Variants in MYO1E observed in about 807,000 individuals in gnomAD.
MYO1E encodes unconventional myosin-Ie.
In MYO1E, 68 loss-of-function variants were observed where a neutral mutation model predicts 151.1. The observed-to-expected ratio is 0.45, with a 90% CI of 0.37 to 0.55. MYO1E has a LOEUF of 0.55. Ranked by LOEUF, MYO1E falls within the 20% of genes least tolerant of loss-of-function variation. The pLI, the probability that MYO1E is intolerant of heterozygous loss-of-function variation, is 0.00. For missense variants in MYO1E, 1,363 were observed against 1,389.3 expected, an observed-to-expected ratio of 0.98 and a Z score of 0.30; for synonymous variants, 601 against 501.7, an observed-to-expected ratio of 1.20 and a Z score of -2.64.
chr15:59,265,463 T>G (rs1596391249), intron 2 of MYO1E, among the ~76,000 whole-genome samples: 1 of 152,168 alleles, frequency 6.6e-6, no homozygotes, highest in African/African-American at 2.4e-5. Flanking sequence ...GTAGATTACA[T>G]AAATTCTGAT....
At chr15:59,149,358 G>T (rs572054971) in intron 26 of MYO1E, among the ~76,000 whole-genome samples, 11 of 152,206 alleles carry the variant, frequency 7.2e-5, no homozygotes, top group African/African-American at 2.6e-4. Context: ...GCCCGGCCTG[G>T]ATGAACTGTT....
At chr15:59,247,208 A>C (rs1253690751) in intron 4 of MYO1E, among the ~76,000 whole-genome samples, 2 of 152,176 alleles carry the variant, frequency 1.3e-5, no homozygotes, top group Non-Finnish European at 2.9e-5. Context: ...AAACTAAAAT[A>C]AAAAAGCACC....
At chr15:59,319,427 T>C (rs1172998001) in intron 1 of MYO1E, among the ~76,000 whole-genome samples, 2 of 152,014 alleles carry the variant, frequency 1.3e-5, no homozygotes, top group South Asian at 2.1e-4. Flanking sequence ...AATAATGCAA[T>C]TGCCCTGACA....
intron 1 of MYO1E, among the ~76,000 whole-genome samples, chr15:59,300,058 G>C (rs1440585573): frequency 2.0e-5 from 3 of 152,114 alleles, no homozygotes; most frequent in Non-Finnish European, 4.4e-5. Flanking sequence ...TGTCACCACT[G>C]AGAAGCTAAA....
chr15:59,216,691 TACAC>T (rs199582846), intron 10 of MYO1E, among the ~76,000 whole-genome samples: 11,654 of 56,386 alleles, frequency 0.21, 1,981 homozygotes, highest in East Asian at 0.71. Flanking sequence ...TATATACACA[TACAC>T]ACACACACAC....
intron 18 of MYO1E, 92 bp from the exon 19 acceptor site, chr15:59,178,629 G>C: frequency 6.7e-7 from 1 of 1,490,440 alleles, no homozygotes; most frequent in Middle Eastern, 1.9e-4. Context: ...TGCTCTGAAG[G>C]TGCCCAGTGC....
intron 17 of MYO1E, among the ~76,000 whole-genome samples, chr15:59,193,703 A>G (rs1466528599): frequency 6.6e-6 from 1 of 152,216 alleles, no homozygotes; most frequent in African/African-American, 2.4e-5. Flanking sequence ...ACCTGGGATT[A>G]GGATAAAAGT....
chr15:59,215,383 G>C (rs1459309098), intron 10 of MYO1E, among the ~76,000 whole-genome samples: 1 of 152,134 alleles, frequency 6.6e-6, no homozygotes, highest in East Asian at 1.9e-4. Flanking sequence ...TTTTCCACAT[G>C]GATACACCAA....
chr15:59,215,077 A>C (rs1469966545), intron 10 of MYO1E, among the ~76,000 whole-genome samples: 1 of 152,200 alleles, frequency 6.6e-6, no homozygotes, highest in African/African-American at 2.4e-5. Context: ...AACCCACACT[A>C]AAGGATCTGT....
intron 1 of MYO1E, among the ~76,000 whole-genome samples, chr15:59,333,578 C>T (rs2080710834): frequency 1.3e-5 from 2 of 152,164 alleles, no homozygotes; most frequent in African/African-American, 4.8e-5. Flanking sequence ...CTCCCACACC[C>T]ATTGTGAAAT....
Position 59,220,304 on chromosome 15 carries a change from C to T in MYO1E, c.911-2217G>A, listed in dbSNP as rs552273283. On this transcript the variant is annotated intron_variant, in intron 9 of 27. Coordinates refer to ENST00000288235, the MANE Select transcript of MYO1E (RefSeq NM_004998.4). ...TCTCTACTAAAAATACAAAAGTTAG[C>T]CAGGCGTGGTGGTGCGCACCTGTAA... Among the ~76,000 whole-genome samples, 12 of 152,220 alleles carry T rather than the reference C, an allele frequency of 7.9e-5. No homozygotes were observed. The East Asian group carries it at 2.1e-3, about 27-fold the overall frequency.
intron 2 of MYO1E, among the ~76,000 whole-genome samples, chr15:59,263,822 G>A (rs2080237869): frequency 6.6e-6 from 1 of 152,112 alleles, no homozygotes; most frequent in Non-Finnish European, 1.5e-5. Context: ...AAGAGTTATG[G>A]AAGAAGGGCC....
At chr15:59,206,681 T>A (rs1431418422) in intron 14 of MYO1E, 3 of 492,252 alleles carry the variant, frequency 6.1e-6, no homozygotes, top group African/African-American at 5.8e-5. Flanking sequence ...TGTCAACTAT[T>A]GATAATACTC....
intron 4 of MYO1E, among the ~76,000 whole-genome samples, chr15:59,254,364 CTT>C (rs1437104339): frequency 3.3e-5 from 5 of 152,060 alleles, no homozygotes; most frequent in African/African-American, 1.2e-4. Context: ...ATTAAAAAAA[CTT>C]TTTTATGGAG....
chr15:59,163,626 T>C lies in MYO1E; in HGVS notation c.2481-323A>G, dbSNP rs541493256. On this transcript the variant is annotated intron_variant, in intron 22 of 27. Transcript: ENST00000288235. ...CATTTTCAAGTCCAACTTGTGTTTT[T>C]AAGATCATAAAAATCCAGAAAGTTA... is the stretch of plus-strand genomic sequence containing the variant. Among the ~76,000 whole-genome samples, 50 of 152,352 alleles carry C rather than the reference T, an allele frequency of 3.3e-4. No individual in the cohort carries two copies. In the South Asian group the frequency reaches 7.5e-3, roughly 23 times the overall value.
chr15:59,136,365 G>A lies in MYO1E; in HGVS notation c.*1015C>T, dbSNP rs1352590447. ...AACAAATGTCATAAAAGAAGAAGGTGTTCGCCGATTCCTTTATTTATTTAG... is the reference window on the plus strand; with the variant it reads ...AACAAATGTCATAAAAGAAGAAGGTATTCGCCGATTCCTTTATTTATTTAG... On this transcript the variant is annotated 3_prime_UTR_variant, in exon 28 of 28. Coordinates refer to ENST00000288235, the MANE Select transcript of MYO1E (RefSeq NM_004998.4). 6.0e-6 allele frequency: 1 copy of A among 167,802 alleles called. No homozygotes were observed. Among genetic ancestry groups the A allele is most frequent in the African/African-American group, 2.4e-5 (1 of 42,112 alleles). The allele number at this position is 167,802 out of a possible 1,614,324, so 10.4% of individuals were successfully genotyped here.
intron 1 of MYO1E, among the ~76,000 whole-genome samples, chr15:59,337,851 C>T (rs1218261667): frequency 1.3e-5 from 2 of 152,058 alleles, no homozygotes; most frequent in Non-Finnish European, 2.9e-5. Flanking sequence ...AAAAAAATCT[C>T]GCTCACAGAG....
chr15:59,181,875 T>C (rs2079663367), intron 18 of MYO1E, among the ~76,000 whole-genome samples: 1 of 152,208 alleles, frequency 6.6e-6, no homozygotes, highest in African/African-American at 2.4e-5. Flanking sequence ...TGTGGACACC[T>C]AGAGAGCAAT....
intron 5 of MYO1E, among the ~76,000 whole-genome samples, chr15:59,234,428 CAA>C (rs1388114985): frequency 6.6e-6 from 1 of 152,086 alleles, no homozygotes; most frequent in African/African-American, 2.4e-5. Flanking sequence ...GGCCCGCAAA[CAA>C]AAGATAGAAA....
Sources: allele counts gnomAD v4.1 joint callset (sites outside exome capture counted in the v4.1 genomes callset), GRCh38; gene constraint gnomAD v4.1.1; transcripts MANE v1.5; gene names NCBI Gene and HGNC (gene_info 2026-07-23, HGNC 2026-07-21).